The following UBE3B variants were observed in gnomAD, a reference collection of about 807,000 sequenced individuals.
UBE3B encodes the protein ubiquitin-protein ligase E3B.
A neutral mutation model predicts 132.3 loss-of-function variants in UBE3B; 80 were observed. The observed-to-expected ratio is 0.60, with a 90% CI of 0.50 to 0.73. The LOEUF (loss-of-function observed/expected upper bound fraction) is 0.73. Among genes scored for constraint, UBE3B ranks in the 30% least tolerant of loss-of-function variants. The probability of loss-of-function intolerance (pLI) is 0.00; values close to 1 mark genes in which losing one functional copy is unlikely to be tolerated. For missense variants in UBE3B, 1,196 were observed against 1,362.5 expected (o/e 0.88, Z 1.92); for synonymous variants, 487 against 520.4 (o/e 0.94, Z 0.87).
chr12:109,478,767 T>C (rs1207310946), intron 1 of UBE3B, among the ~76,000 whole-genome samples: 1 of 152,182 alleles, frequency 6.6e-6, no homozygotes, highest in Non-Finnish European at 1.5e-5. Flanking sequence ...GGCAACAAAG[T>C]GAGACTCCGT....
In UBE3B at chr12:109,534,456, C is replaced by T. The variant is rs1883264473; in HGVS notation, c.3016-135C>T. ...TGGGGCTTGACCTCGGGTAGTGGTG[C>T]CAGGGCAGCGCCCTGCACTCTGCCC... is the stretch of plus-strand genomic sequence containing the variant. On this transcript the variant is annotated intron_variant, in intron 27 of 27. Coordinates refer to ENST00000342494, the MANE Select transcript of UBE3B (RefSeq NM_130466.4). The surrounding 1 kb of genome is among the most constrained non-coding windows in gnomAD (Gnocchi z 5.2). 1 of 1,441,362 alleles carries T rather than the reference C, an allele frequency of 6.9e-7. No homozygotes were observed. Among genetic ancestry groups the T allele is most frequent in the Admixed American group, 3.1e-5 (1 of 32,764 alleles). 89.3% of individuals were successfully genotyped at this position (1,441,362 alleles called of 1,614,324 possible). A position where few individuals can be genotyped will look rare whatever the true frequency, so the allele number is the denominator to read the frequency against.
downstream of UBE3B, among the ~76,000 whole-genome samples, chr12:109,538,533 G>A (rs139676591): frequency 4.4e-3 from 665 of 152,336 alleles, 6 homozygotes; most frequent in Non-Finnish European, 7.1e-3. The surrounding 1 kb of genome is among the most constrained non-coding windows in gnomAD (Gnocchi z 4.1). Flanking sequence ...ATTAAATGCA[G>A]TTACATATGA....
At chr12:109,490,534 C>A (rs1199186905) in intron 8 of UBE3B, 2 of 1,535,960 alleles carry the variant, frequency 1.3e-6, no homozygotes, top group African/African-American at 1.4e-5. Context: ...ATGCTCCTCA[C>A]AACAACCCTG....
chr12:109,539,129 G>A (rs566097932), downstream of UBE3B, among the ~76,000 whole-genome samples: 4 of 152,260 alleles, frequency 2.6e-5, no homozygotes, highest in Non-Finnish European at 5.9e-5. Context: ...CCAGCTACTC[G>A]GGAGGCTGAG....
chr12:109,499,778 C>G lies in UBE3B; in HGVS notation c.1086C>G (p.Val362=). Residue 362 remains valine, a synonymous_variant, in exon 12 of 28, where the codon GTC becomes GTG. Transcript: ENST00000342494. ...CCAACCTGACCCACTGGCATCCTGTCCTTGGCTGGTTCTCCCAATCTGTGG... is the reference window on the plus strand; with the variant it reads ...CCAACCTGACCCACTGGCATCCTGTGCTTGGCTGGTTCTCCCAATCTGTGG... ...KKSNLTHWHP[V]LGWFSQSVDY... is the part of the protein sequence containing the mutation. 6.2e-7 allele frequency: 1 copy of G among 1,609,660 alleles called. No homozygotes were observed. The highest frequency in any genetic ancestry group is 8.5e-7 in the Non-Finnish European group (1 of 1,177,670).
chr12:109,524,660 G>A (rs1054114871), intron 23 of UBE3B, among the ~76,000 whole-genome samples, 157 bp downstream of exon 23: 3 of 152,076 alleles, frequency 2.0e-5, no homozygotes, highest in African/African-American at 7.2e-5. Context: ...CCTCTTGCCA[G>A]GAGGGAGGGC....
downstream of UBE3B, among the ~76,000 whole-genome samples, chr12:109,538,047 T>C (rs1035866956): frequency 6.6e-6 from 1 of 152,276 alleles, no homozygotes; most frequent in Non-Finnish European, 1.5e-5. This position sits in a 1 kb window ranked among gnomAD's most constrained non-coding sequence, Gnocchi z 4.1. Context: ...AGAGAAAGGA[T>C]GTCTTTATAA....
At chr12:109,526,067 C>T (rs4766607) in intron 23 of UBE3B, among the ~76,000 whole-genome samples, 6,115 of 152,218 alleles carry the variant, frequency 0.04, 174 homozygotes, top group Non-Finnish European at 0.053. Context: ...TTTATTTAAC[C>T]GTCCTACTCT....
At chr12:109,520,349 A>C (rs1471433496) in intron 19 of UBE3B, 1 of 152,272 alleles carries the variant, frequency 6.6e-6, no homozygotes, top group Non-Finnish European at 1.5e-5. Flanking sequence ...ATTAGAATCA[A>C]GAGACAAACT....
chr12:109,533,370 AACAG>A (rs1430462801), intron 26 of UBE3B, 92 bp from the exon 27 acceptor site: 5 of 1,190,968 alleles, frequency 4.2e-6, no homozygotes, highest in African/African-American at 3.0e-5. Context: ...ACAACACGGT[AACAG>A]ACAGAGCAAA....
intron 27 of UBE3B, 46 bp downstream of exon 27, chr12:109,533,604 G>A: frequency 6.5e-7 from 1 of 1,531,244 alleles, no homozygotes; most frequent in South Asian, 1.1e-5. Flanking sequence ...TTCCCTCTTG[G>A]TGGTTGTCTG....
chr12:109,501,589 C>G, intron 13 of UBE3B, 55 bp downstream of exon 13: 1 of 1,561,776 alleles, frequency 6.4e-7, no homozygotes, highest in Non-Finnish European at 8.7e-7. Context: ...AAGTACAGCT[C>G]CTGTTTCTTC....
chr12:109,486,493 G>A lies in UBE3B; in HGVS notation c.365G>A (p.Cys122Tyr), dbSNP rs746811263. 35 of 1,490,916 alleles carry A rather than the reference G, an allele frequency of 2.3e-5. No homozygotes were observed. Among genetic ancestry groups the A allele is most frequent in the Admixed American group, 3.7e-5 (2 of 53,428 alleles). 92.4% of individuals were successfully genotyped at this position (1,490,916 alleles called of 1,614,324 possible). A position where few individuals can be genotyped will look rare whatever the true frequency, so the allele number is the denominator to read the frequency against. ...EPKVWYVSLA[C>Y]SKDLTLLWIQ... ...TAGGTGTGGTATGTGTCCCTGGCTT[G>A]TTCTAAGGACCTCACCCTCCTTTGG... The change falls in exon 6 of 28, where the codon TGT becomes TAT. Residue 122 changes from cysteine (C) to tyrosine (Y), a missense_variant. By Grantham distance (194) the Cys-to-Tyr change is radical (BLOSUM62 -2). Transcript: ENST00000342494.
At chr12:109,512,656 T>C (rs1433088437) in intron 18 of UBE3B, among the ~76,000 whole-genome samples, 3 of 152,226 alleles carry the variant, frequency 2.0e-5, no homozygotes, top group Non-Finnish European at 2.9e-5. Context: ...AATCTCATTT[T>C]TCAGAGGTAT....
At chr12:109,516,958 C>G in intron 19 of UBE3B, 74 bp downstream of exon 19, 1 of 1,563,198 alleles carries the variant, frequency 6.4e-7, no homozygotes. Context: ...AGTGGACGGT[C>G]TCTGGCTTTT....
At chr12:109,499,175 G>A (rs1878626274) in intron 11 of UBE3B, among the ~76,000 whole-genome samples, 1 of 152,100 alleles carries the variant, frequency 6.6e-6, no homozygotes, top group Non-Finnish European at 1.5e-5. Flanking sequence ...TGACTAACTG[G>A]TGAACGTTGA....
rs183496572 is a variant in UBE3B, at chr12:109,533,437, G to A, written c.2923-29G>A. On this transcript the variant is annotated intron_variant, in intron 26 of 27. Coordinates refer to ENST00000342494, the MANE Select transcript of UBE3B (RefSeq NM_130466.4). ...TCCTGGAAGAGCAGGAGCCTGCCCC[G>A]TCCCCACTGACCCTGCTTTGTGTTG... is the stretch of plus-strand genomic sequence containing the variant. 1.2e-4 allele frequency: 194 copies of A among 1,600,682 alleles called. No individual in the cohort carries two copies. In the African/African-American group the frequency reaches 1.8e-3, roughly 15 times the overall value.
intron 21 of UBE3B, among the ~76,000 whole-genome samples, chr12:109,523,284 CTG>C (rs1331615004): frequency 6.6e-6 from 1 of 152,256 alleles, no homozygotes; most frequent in Non-Finnish European, 1.5e-5. Context: ...AGCCGTCTGG[CTG>C]TGTCTGCCTC....
chr12:109,531,119 C>T (rs915851948), intron 26 of UBE3B, among the ~76,000 whole-genome samples: 3 of 152,208 alleles, frequency 2.0e-5, no homozygotes, highest in African/African-American at 7.2e-5. Flanking sequence ...TCTCTCTATA[C>T]CCATTTTCTC....
Sources: gnomAD v4.1 joint callset for allele counts (sites outside exome capture counted in the v4.1 genomes callset) on GRCh38, gnomAD v4.1.1 for gene constraint, Gnocchi (gnomAD v3.1) non-coding constraint, MANE v1.5 for transcripts, NCBI Gene and HGNC (gene_info 2026-07-23, HGNC 2026-07-21) for gene names.